The following KCNJ6 variants were observed in gnomAD, a reference collection of about 807,000 sequenced individuals.
The protein encoded by KCNJ6 is potassium inwardly rectifying channel subfamily J member 6, also known as G protein-activated inward rectifier potassium channel 2.
KCNJ6 carries 9 observed loss-of-function variants against 34.2 expected under a neutral mutation model. The ratio of observed to expected loss-of-function variants is 0.26; its 90% CI spans 0.16 to 0.46. The LOEUF is 0.46. KCNJ6 is among the 20% of genes least tolerant of loss of function. The pLI, the probability that KCNJ6 is intolerant of heterozygous loss-of-function variation, is 1.00. For missense variants in KCNJ6, 236 were observed against 531.3 expected (o/e 0.44, Z 5.46); for synonymous variants, 196 against 207.1 (o/e 0.95, Z 0.46).
At chr21:37,796,357 AG>A (rs1270659604) in intron 2 of KCNJ6, among the ~76,000 whole-genome samples, 1 of 152,180 alleles carries the variant, frequency 6.6e-6, no homozygotes, top group Non-Finnish European at 1.5e-5. Context: ...CAACCCCGTG[AG>A]CCCAAGGAAA....
intron 2 of KCNJ6, among the ~76,000 whole-genome samples, chr21:37,793,443 C>T (rs1005134516): frequency 2.0e-5 from 3 of 148,556 alleles, no homozygotes; most frequent in Non-Finnish European, 3.0e-5. Context: ...TTTCTTGGCA[C>T]ATCTGTTCTG....
Position 37,631,553 on chromosome 21 carries a change from G to GACT in KCNJ6, c.947-6070_947-6069insAGT, listed in dbSNP as rs528145434. On this transcript the variant is annotated intron_variant, in intron 3 of 3. Coordinates refer to ENST00000609713, the MANE Select transcript of KCNJ6 (RefSeq NM_002240.5). ...AAAATGAAACCACCTGAAGACTCTA[G>GACT]AAAGTTCACAATAGCAGGACGATTG... Among the ~76,000 whole-genome samples, 153 of 152,298 alleles carry GACT rather than the reference G, an allele frequency of 1.0e-3. 1 individual carries two copies. Among genetic ancestry groups the GACT allele is most frequent in the African/African-American group, 3.1e-3 (128 of 41,566 alleles).
chr21:37,723,621 T>C (rs1191029754), intron 2 of KCNJ6, among the ~76,000 whole-genome samples: 1 of 152,162 alleles, frequency 6.6e-6, no homozygotes, highest in African/African-American at 2.4e-5. Context: ...CTTTGCAGCA[T>C]AGTAGGTGGA....
At chr21:37,914,182 AATGG>A (rs987376556) in intron 1 of KCNJ6, among the ~76,000 whole-genome samples, 6 of 152,056 alleles carry the variant, frequency 3.9e-5, no homozygotes, top group African/African-American at 1.4e-4. Flanking sequence ...CCATGCATAA[AATGG>A]ATGATTTGCA....
At position 37,616,616 on chromosome 21, in the gene KCNJ6, TGGTTAGACTCTG is replaced by T. The variant is rs2054269135; in HGVS notation, c.*8531_*8542del. On this transcript the variant is annotated 3_prime_UTR_variant, in exon 4 of 4. Transcript: ENST00000609713. ...ATATATATATATATATATATATATA[TGGTTAGACTCTG>T]AACATATACGCTCGGTTAAAATTGG... 2 of 126,768 alleles carry T rather than the reference TGGTTAGACTCTG, an allele frequency of 1.6e-5. No individual in the cohort carries two copies. The highest frequency in any genetic ancestry group is 3.1e-5 in the African/African-American group (1 of 32,352). 7.9% of individuals were successfully genotyped at this position (126,768 alleles called of 1,614,324 possible).
chr21:37,752,527 A>C (rs1384791169), intron 2 of KCNJ6, among the ~76,000 whole-genome samples: 1 of 152,204 alleles, frequency 6.6e-6, no homozygotes, highest in African/African-American at 2.4e-5. Flanking sequence ...TTTTAAGGAG[A>C]GGGAAAGAGA....
At chr21:37,668,704 G>A (rs188381558) in intron 3 of KCNJ6, among the ~76,000 whole-genome samples, 4 of 152,262 alleles carry the variant, frequency 2.6e-5, no homozygotes, top group African/African-American at 4.8e-5. Context: ...TGGCCTGCAC[G>A]GCCTCTGAGC....
intron 3 of KCNJ6, among the ~76,000 whole-genome samples, chr21:37,694,575 G>A (rs772153008): frequency 2.5e-4 from 38 of 152,128 alleles, no homozygotes; most frequent in Admixed American, 8.5e-4. Flanking sequence ...AGGTGTCAGC[G>A]GTGTGTCGGG....
chr21:37,662,464 G>T (rs2673015), intron 3 of KCNJ6, among the ~76,000 whole-genome samples: 1 of 152,054 alleles, frequency 6.6e-6, no homozygotes, highest in Non-Finnish European at 1.5e-5. Flanking sequence ...TGGCTGTATA[G>T]TATTCCATGG....
intron 3 of KCNJ6, among the ~76,000 whole-genome samples, chr21:37,629,103 G>C (rs1601393886): frequency 6.6e-6 from 1 of 152,158 alleles, no homozygotes; most frequent in East Asian, 1.9e-4. Flanking sequence ...GGTGTGTTCA[G>C]GGTGGTATGG....
Position 37,612,926 on chromosome 21 carries a change from A to C in KCNJ6, c.*12233T>G, listed in dbSNP as rs1025799404. Reference sequence around the variant, plus strand: ...ACACCAAAGACATGATCATGAAAGAAGTAAATGATAAGCTGAACTTCAGTA... The same window carrying C: ...ACACCAAAGACATGATCATGAAAGACGTAAATGATAAGCTGAACTTCAGTA... On this transcript the variant is annotated 3_prime_UTR_variant, in exon 4 of 4. Coordinates refer to ENST00000609713, the MANE Select transcript of KCNJ6 (RefSeq NM_002240.5). The C allele has an allele frequency of 6.6e-6, 1 of 152,196 alleles. No individual in the cohort carries two copies. The highest frequency in any genetic ancestry group is 1.5e-5 in the Non-Finnish European group (1 of 68,036). 9.4% of individuals were successfully genotyped at this position (152,196 alleles called of 1,614,324 possible). A position where few individuals can be genotyped will look rare whatever the true frequency, so the allele number is the denominator to read the frequency against.
At chr21:37,667,931 T>G (rs1404969358) in intron 3 of KCNJ6, among the ~76,000 whole-genome samples, 1 of 151,662 alleles carries the variant, frequency 6.6e-6, no homozygotes, top group African/African-American at 2.4e-5. Flanking sequence ...GGTGTCCTCC[T>G]CCAGGAGGCA....
chr21:37,681,075 T>A (rs2054588621), intron 3 of KCNJ6, among the ~76,000 whole-genome samples: 1 of 152,200 alleles, frequency 6.6e-6, no homozygotes, highest in Non-Finnish European at 1.5e-5. Context: ...ATGTTGGTTG[T>A]GAATGTCGCT....
At chr21:37,661,357 A>G (rs765325157) in intron 3 of KCNJ6, among the ~76,000 whole-genome samples, 20 of 152,340 alleles carry the variant, frequency 1.3e-4, no homozygotes, top group Middle Eastern at 3.4e-3. Context: ...ATAACTTTCC[A>G]TGATTAATCA....
At chr21:37,848,538 ACCC>A (rs1245662952) in intron 1 of KCNJ6, among the ~76,000 whole-genome samples, 4 of 152,146 alleles carry the variant, frequency 2.6e-5, no homozygotes, top group African/African-American at 7.2e-5. Flanking sequence ...TGTACAGGTC[ACCC>A]TGACTGGTTC....
chr21:37,691,248 C>T (rs1274137570), intron 3 of KCNJ6, among the ~76,000 whole-genome samples: 4 of 152,198 alleles, frequency 2.6e-5, no homozygotes, highest in Non-Finnish European at 4.4e-5. Flanking sequence ...AATTTCCTGG[C>T]ACCCCTAGGC....
intron 3 of KCNJ6, among the ~76,000 whole-genome samples, chr21:37,711,942 T>C (rs1257710901): frequency 6.6e-6 from 1 of 151,946 alleles, no homozygotes; most frequent in Non-Finnish European, 1.5e-5. Flanking sequence ...AGAAAGGCCA[T>C]AGGGTGCTCA....
intron 2 of KCNJ6, among the ~76,000 whole-genome samples, chr21:37,808,680 T>G (rs930575493): frequency 6.6e-6 from 1 of 152,220 alleles, no homozygotes; most frequent in East Asian, 1.9e-4. Flanking sequence ...TCCGGTCTTA[T>G]GGACTGATAT....
At chr21:37,783,102 A>G (rs1316262452) in intron 2 of KCNJ6, among the ~76,000 whole-genome samples, 1 of 152,232 alleles carries the variant, frequency 6.6e-6, no homozygotes, top group Non-Finnish European at 1.5e-5. Flanking sequence ...TCAAGAGGTT[A>G]GGATCACACA....
Sources: gnomAD v4.1 joint callset for allele counts (sites outside exome capture counted in the v4.1 genomes callset) on GRCh38, gnomAD v4.1.1 for gene constraint, MANE v1.5 for transcripts, NCBI Gene and HGNC (gene_info 2026-07-23, HGNC 2026-07-21) for gene names.